The following SOS1 variants were observed in gnomAD, a reference collection of about 807,000 sequenced individuals.
SOS1 encodes the protein SOS Ras/Rac guanine nucleotide exchange factor 1.
In SOS1, 25 loss-of-function variants were observed where a neutral mutation model predicts 157.6. That is an observed-to-expected ratio of 0.16 (90% CI 0.12 to 0.22). The LOEUF (loss-of-function observed/expected upper bound fraction) is 0.22. Ranked by LOEUF, SOS1 falls within the 10% of genes least tolerant of loss-of-function variation. SOS1 has a pLI of 1.00. For missense variants in SOS1, 1,237 were observed against 1,599.1 expected, an observed-to-expected ratio of 0.77 and a Z score of 3.86; for synonymous variants, 528 against 534.0, an observed-to-expected ratio of 0.99 and a Z score of 0.16.
intron 1 of SOS1, among the ~76,000 whole-genome samples, chr2:39,076,358 C>T (rs1050402836): frequency 2.6e-5 from 4 of 151,920 alleles, no homozygotes; most frequent in Admixed American, 2.6e-4. Context: ...CAAGATCAAC[C>T]ACTGCACTCC....
At chr2:39,087,231 A>T (rs1672413530) in intron 1 of SOS1, among the ~76,000 whole-genome samples, 1 of 152,238 alleles carries the variant, frequency 6.6e-6, no homozygotes, top group Non-Finnish European at 1.5e-5. Flanking sequence ...CAGATAAATC[A>T]TATTAATTAG....
chr2:38,995,136 G>A lies in SOS1; in HGVS notation c.3333C>T (p.Ser1111=). ...VCSVFDSDHS[S]PFHSSNDTVF... The stretch of plus-strand genomic sequence containing the variant: ...TTTTGCACCTACTTGAGTGAAAAGG[G>A]CTCGAATGATCGGAATCAAATACAC... The change falls in exon 20 of 23, where the codon AGC becomes AGT. Residue 1111 remains serine, a synonymous_variant. Transcript: ENST00000402219. 2 of 1,613,866 alleles carry A rather than the reference G, an allele frequency of 1.2e-6. No homozygotes were observed. The highest frequency in any genetic ancestry group is 1.7e-6 in the Non-Finnish European group (2 of 1,179,846).
chr2:38,987,663 A>T (rs1668596875), intron 21 of SOS1, 72 bp from the exon 22 acceptor site: 2 of 792,430 alleles, frequency 2.5e-6, no homozygotes, highest in East Asian at 5.1e-5. Context: ...GAAAAGTCTT[A>T]GCTGGAAATT....
chr2:39,099,408 A>C (rs573184101), intron 1 of SOS1, among the ~76,000 whole-genome samples: 4 of 152,356 alleles, frequency 2.6e-5, no homozygotes, highest in East Asian at 1.9e-4. Context: ...ATCCATAAAG[A>C]CAGAAAATAG....
intron 6 of SOS1, among the ~76,000 whole-genome samples, chr2:39,040,855 T>C (rs1280724610): frequency 6.6e-6 from 1 of 152,218 alleles, no homozygotes; most frequent in South Asian, 2.1e-4. Context: ...TTTGGGTATA[T>C]ACCTAGGAGT....
upstream of SOS1, among the ~76,000 whole-genome samples, chr2:39,123,947 C>T (rs1673984277): frequency 6.6e-6 from 1 of 152,144 alleles, no homozygotes; most frequent in African/African-American, 2.4e-5. Flanking sequence ...GAAAACAAGC[C>T]CTAGAAACAT....
chr2:39,037,788 C>T lies in SOS1; in HGVS notation c.865-2288G>A, dbSNP rs994885207. Among the ~76,000 whole-genome samples, 26 of 151,978 alleles carry T rather than the reference C, an allele frequency of 1.7e-4. 1 individual carries two copies. Among genetic ancestry groups the T allele is most frequent in the Non-Finnish European group, 3.8e-4 (26 of 67,992 alleles). On this transcript the variant is annotated intron_variant, in intron 6 of 22. Transcript: ENST00000402219. The stretch of plus-strand genomic sequence containing the variant: ...CTTACCATTCTGAAAATCCTAGGGC[C>T]CTTAAGGATTGTGCTAAATCTACTC...
At position 38,982,591 on chromosome 2, in the gene SOS1, A is replaced by C. The variant is rs1668436325; in HGVS notation, c.*3233T>G. 6.6e-6 allele frequency: 1 copy of C among 152,194 alleles called. No homozygotes were observed. The highest frequency in any genetic ancestry group is 1.5e-5 in the Non-Finnish European group (1 of 68,014). The allele number at this position is 152,194 out of a possible 1,614,324, so 9.4% of individuals were successfully genotyped here. A position where few individuals can be genotyped will look rare whatever the true frequency, so the allele number is the denominator to read the frequency against. On this transcript the variant is annotated 3_prime_UTR_variant, in exon 23 of 23. Transcript: ENST00000402219. ...AACCTATTCACAGCAGCAGAATACC[A>C]AGAAATAAATGGTTAAACTGTTTCT...
intron 1 of SOS1, among the ~76,000 whole-genome samples, chr2:39,105,413 G>A (rs1484622683): frequency 1.3e-5 from 2 of 151,932 alleles, no homozygotes; most frequent in South Asian, 2.1e-4. Context: ...CACCAAGGCT[G>A]GCTGCCAAAC....
upstream of SOS1, chr2:39,121,158 CGGCCGGGCTGT>C (rs1308571524): frequency 1.3e-5 from 2 of 152,962 alleles, no homozygotes; most frequent in Non-Finnish European, 2.9e-5. Context: ...GGAGGGCGCC[CGGCCGGGCTGT>C]GGCTGCGCTC....
At position 39,100,916 on chromosome 2, in the gene SOS1, C is replaced by G. The variant is rs139106614; in HGVS notation, c.87+19420G>C. Among the ~76,000 whole-genome samples, 127 of 152,084 alleles carry G rather than the reference C, an allele frequency of 8.4e-4. 1 individual carries two copies. The highest frequency in any genetic ancestry group is 2.8e-3 in the African/African-American group (118 of 41,458). ...CTTGGGCAACAGAGTGAGACCTTGT[C>G]TCAAAAAAATAATAAAATACAGCAA... On this transcript the variant is annotated intron_variant, in intron 1 of 22. Coordinates refer to ENST00000402219, the MANE Select transcript of SOS1 (RefSeq NM_005633.4).
Position 39,024,037 on chromosome 2 carries a change from G to T in SOS1, c.1175C>A (p.Ser392Tyr). Residue 392 changes from serine to tyrosine, a missense_variant, in exon 9 of 23, where the codon TCT becomes TAT. Physicochemically the swap from Ser to Tyr is moderately radical, Grantham distance 144. This residue lies in a region of SOS1 where 101 missense variants were observed against 171.5 expected (regional missense o/e 0.59). Transcript: ENST00000402219. The part of the protein sequence containing the change: ...NVQSGMEKIC[S>Y]KSLAKRRLSE... The stretch of plus-strand genomic sequence containing the variant: ...CAGTCTTCGTTTTGCAAGACTTTTA[G>T]AACATATTTTTTCCATACCACTCTG... 6.2e-7 allele frequency: 1 copy of T among 1,601,772 alleles called. No individual in the cohort carries two copies. Among genetic ancestry groups the T allele is most frequent in the South Asian group, 1.1e-5 (1 of 90,786 alleles).
rs201906525 is a variant in SOS1 at position 38,997,236 on chromosome 2, T to C, written c.2964+17A>G. 163 of 1,586,582 alleles carry C rather than the reference T, an allele frequency of 1.0e-4. 1 individual carries two copies. In the East Asian group the frequency reaches 2.2e-3, roughly 21 times the overall value. On this transcript the variant is annotated intron_variant, in intron 18 of 22. Coordinates refer to ENST00000402219, the MANE Select transcript of SOS1 (RefSeq NM_005633.4). ...AAACTTAATCAGAAGTATGAATCTT[T>C]AAATAATTCAACTTACTTTGATATC...
At chr2:39,004,575 T>C (rs1453427930) in intron 17 of SOS1, among the ~76,000 whole-genome samples, 1 of 152,024 alleles carries the variant, frequency 6.6e-6, no homozygotes, top group Non-Finnish European at 1.5e-5. Context: ...AATATAATTT[T>C]GAAAGTCATA....
chr2:39,086,116 T>A (rs893849135), intron 1 of SOS1, among the ~76,000 whole-genome samples: 5 of 152,348 alleles, frequency 3.3e-5, no homozygotes, highest in African/African-American at 2.4e-5. Context: ...ATTATTGATG[T>A]TCTTGTTAAA....
At chr2:38,996,422 A>G (rs1232045205) in intron 19 of SOS1, among the ~76,000 whole-genome samples, 1 of 152,190 alleles carries the variant, frequency 6.6e-6, no homozygotes, top group East Asian at 1.9e-4. Flanking sequence ...AAGAGAGTAC[A>G]TAGTCAAATC....
At position 39,053,944 on chromosome 2, in the gene SOS1, C is replaced by A. The variant is rs180700583; in HGVS notation, c.720+670G>T. On this transcript the variant is annotated intron_variant, in intron 5 of 22. Transcript: ENST00000402219. ...AAGGAACTCTTTTTTTTTTTTTCTTCTGAGACGGAGTCTCGCTCTGTCGCC... is the reference window on the plus strand; with the variant it reads ...AAGGAACTCTTTTTTTTTTTTTCTTATGAGACGGAGTCTCGCTCTGTCGCC... Among the ~76,000 whole-genome samples the A allele has an allele frequency of 1.9e-4, 28 of 144,788 alleles. 1 individual carries two copies. The highest frequency in any genetic ancestry group is 5.8e-4 in the African/African-American group (23 of 39,350). The allele number at this position is 144,788 out of a possible 152,430, so 95.0% of individuals were successfully genotyped here. A position where few individuals can be genotyped will look rare whatever the true frequency, so the allele number is the denominator to read the frequency against.
chr2:39,115,398 TTCTC>T (rs3085575), intron 1 of SOS1, among the ~76,000 whole-genome samples: 11,553 of 131,878 alleles, frequency 0.088, 1,528 homozygotes, highest in East Asian at 0.47. Context: ...ATCAAATTTG[TTCTC>T]TCTCTTTTTT....
chr2:39,048,095 A>G (rs1302941049), intron 6 of SOS1, among the ~76,000 whole-genome samples: 1 of 152,186 alleles, frequency 6.6e-6, no homozygotes, highest in East Asian at 1.9e-4. Context: ...ATATTCTTAC[A>G]TCTAATGAAG....
Sources: gnomAD v4.1 joint callset for allele counts (sites outside exome capture counted in the v4.1 genomes callset) on GRCh38, gnomAD v4.1.1 for gene constraint, gnomAD v4.1.1 regional missense constraint, MANE v1.5 for transcripts, NCBI Gene and HGNC (gene_info 2026-07-23, HGNC 2026-07-21) for gene names.